GON4L: variants seen among roughly 807,000 people sequenced by gnomAD.
The protein encoded by GON4L is GON-4-like protein.
In GON4L, 87 loss-of-function variants were observed where a neutral mutation model predicts 211.8. That is an observed-to-expected ratio of 0.41 (90% CI 0.35 to 0.49). The LOEUF is 0.49. Ranked by LOEUF, GON4L falls within the 20% of genes least tolerant of loss-of-function variation. The pLI is 0.15. For synonymous variants in GON4L, 875 were observed against 962.6 expected (o/e 0.91, Z 1.68); for missense variants, 2,155 against 2,659.5 (o/e 0.81, Z 4.17).
rs1660977033 is a variant in GON4L, at chr1:155,754,603, C to A, written c.5518-115G>T. 2.0e-5 allele frequency: 13 copies of A among 638,620 alleles called. No homozygotes were observed. The South Asian group carries it at 2.5e-4, about 12-fold the overall frequency. The allele number at this position is 638,620 out of a possible 1,614,324, so 39.6% of individuals were successfully genotyped here. A position where few individuals can be genotyped will look rare whatever the true frequency, so the allele number is the denominator to read the frequency against. The stretch of plus-strand genomic sequence containing the variant: ...GGGTTGCAGTGGCACGATGTCAGCT[C>A]ACCGCAACCTCTGCCTCCCAGGTTC... On this transcript the variant is annotated intron_variant, in intron 27 of 31. Transcript: ENST00000368331.
At position 155,766,094 on chromosome 1, in the gene GON4L, C is replaced by G. The variant is rs199939610; in HGVS notation, c.3379G>C (p.Ala1127Pro). The G allele has an allele frequency of 3.7e-6, 6 of 1,614,138 alleles. No individual in the cohort carries two copies. The highest frequency in any genetic ancestry group is 2.2e-5 in the East Asian group (1 of 44,886). The change falls in exon 21 of 32, where the codon GCC becomes CCC. Residue 1127 changes from alanine (A) to proline (P), a missense_variant. Around this residue, in one of 6 missense-constraint regions of GON4L, gnomAD observed 615 missense variants for 625.7 expected, o/e 0.98. Transcript: ENST00000368331. ...GGGGCAGGTTTCATACAGGGAGAGG[C>G]CTTGACTCCTCTTCTCTTTGAGGGT... ...RRPSKRRGVKASPCMKPAPVI... is the reference protein window; with the variant it reads ...RRPSKRRGVKPSPCMKPAPVI...
chr1:155,804,991 T>C lies in GON4L; in HGVS notation c.1603A>G (p.Met535Val). ...PNTADDEDWK[M>V]WLGGLMNDDV... is the part of the protein sequence containing the mutation. Reference sequence around the variant, plus strand: ...TCATTCATAAGTCCCCCCAGCCACATCTTCCAGTCCTCATCATCTGCCGTA... The same window carrying C: ...TCATTCATAAGTCCCCCCAGCCACACCTTCCAGTCCTCATCATCTGCCGTA... The change falls in exon 11 of 32, where the codon ATG becomes GTG. Residue 535 changes from methionine (M) to valine (V), a missense_variant. Met to Val is a conservative substitution (Grantham distance 21). Around this residue, in one of 6 missense-constraint regions of GON4L, gnomAD observed 551 missense variants for 854.0 expected, o/e 0.65. Coordinates refer to ENST00000368331, the MANE Select transcript of GON4L (RefSeq NM_001282860.2). The C allele has an allele frequency of 6.2e-7, 1 of 1,614,000 alleles. No homozygotes were observed. Among genetic ancestry groups the C allele is most frequent in the Non-Finnish European group, 8.5e-7 (1 of 1,179,918 alleles).
At chr1:155,816,082 T>C (rs779806411) in intron 7 of GON4L, 130 bp downstream of exon 7, 21 of 697,966 alleles carry the variant, frequency 3.0e-5, no homozygotes, top group Middle Eastern at 3.7e-4. Flanking sequence ...CTAAGAGTAA[T>C]AGAATGGAAA....
In GON4L at chr1:155,784,048, G is replaced by A. The variant is rs1327844656; in HGVS notation, c.1830C>T (p.Gly610=). 13 of 1,614,096 alleles carry A rather than the reference G, an allele frequency of 8.1e-6. No homozygotes were observed. Among genetic ancestry groups the A allele is most frequent in the Non-Finnish European group, 1.1e-5 (13 of 1,179,970 alleles). Residue 610 remains glycine (G), a synonymous_variant, in exon 14 of 32, where the codon GGC becomes GGT. Coordinates refer to ENST00000368331, the MANE Select transcript of GON4L (RefSeq NM_001282860.2). The stretch of plus-strand genomic sequence containing the variant: ...CAGCTACACACTCCTCCTCTTCTGG[G>A]CCATCATCTTCCATGTTGGAGAATC... The part of the protein sequence containing the change: ...EMGFSNMEDD[G]PEEEECVAEP...
At chr1:155,764,270 C>T (rs146357383) in intron 21 of GON4L, among the ~76,000 whole-genome samples, 2,200 of 152,066 alleles carry the variant, frequency 0.014, 60 homozygotes, top group African/African-American at 0.051. Flanking sequence ...AGGCATGTGC[C>T]ACTACGCCCA....
intron 2 of GON4L, among the ~76,000 whole-genome samples, chr1:155,830,989 G>A (rs1295505320): frequency 6.6e-6 from 1 of 152,102 alleles, no homozygotes; most frequent in Non-Finnish European, 1.5e-5. Context: ...TAAAAGTTCT[G>A]GTATGCTTGT....
At chr1:155,767,744 T>C (rs900699030) in intron 19 of GON4L, among the ~76,000 whole-genome samples, 3 of 152,126 alleles carry the variant, frequency 2.0e-5, no homozygotes, top group Non-Finnish European at 1.5e-5. Context: ...ATTAAACTAA[T>C]CTCTATTTAA....
rs572482374 is a variant in GON4L, at chr1:155,788,179, G to A, written c.1748-2805C>T. The stretch of plus-strand genomic sequence containing the variant: ...GCTAATTTTTTGTAGTTTTAGTAGC[G>A]ACGGTGTTTCACCATGTTGCCCAGG... On this transcript the variant is annotated intron_variant, in intron 12 of 31. Transcript: ENST00000368331. Among the ~76,000 whole-genome samples, 144 of 152,142 alleles carry A rather than the reference G, an allele frequency of 9.5e-4. No individual in the cohort carries two copies. The Middle Eastern group carries it at 0.017, about 18-fold the overall frequency.
Position 155,820,757 on chromosome 1 carries a change from G to T in GON4L, c.964-101C>A, listed in dbSNP as rs1052952172. On this transcript the variant is annotated intron_variant, in intron 5 of 31. Transcript: ENST00000368331. ...AGCACTTTAGGGGCCAAGGTGGGAG[G>T]ATGGCTTGAGGCAAGGAGTTTGAGA... The T allele has an allele frequency of 1.3e-5, 11 of 844,528 alleles. No individual in the cohort carries two copies. The African/African-American group carries it at 1.7e-4, about 13-fold the overall frequency. The allele number at this position is 844,528 out of a possible 1,614,324, so 52.3% of individuals were successfully genotyped here. A position where few individuals can be genotyped will look rare whatever the true frequency, so the allele number is the denominator to read the frequency against.
chr1:155,777,640 G>A lies in GON4L; in HGVS notation c.2073C>T (p.Leu691=). 1 of 1,613,318 alleles carries A rather than the reference G, an allele frequency of 6.2e-7. No individual in the cohort carries two copies. Among genetic ancestry groups the A allele is most frequent in the Non-Finnish European group, 8.5e-7 (1 of 1,179,310 alleles). The change falls in exon 15 of 32, where the codon CTC becomes CTT. Residue 691 remains leucine (L), a synonymous_variant. Coordinates refer to ENST00000368331, the MANE Select transcript of GON4L (RefSeq NM_001282860.2). ...GTCCTACCTGCTGCATCTGCTGCTG[G>A]AGTCTCTTCCTCTGTGCTGGGTCCA... The part of the protein sequence containing the change: ...LILDPAQRKR[L]QQQMQQHVQL...
chr1:155,766,604 C>G lies in GON4L; in HGVS notation c.2869G>C (p.Glu957Gln), dbSNP rs1174342894. The change falls in exon 21 of 32, where the codon GAA becomes CAA. Residue 957 changes from glutamate (E) to glutamine (Q), a missense_variant. By Grantham distance (29) the Glu-to-Gln change is conservative. This residue lies in a region of GON4L where 615 missense variants were observed against 625.7 expected (regional missense o/e 0.98). Coordinates refer to ENST00000368331, the MANE Select transcript of GON4L (RefSeq NM_001282860.2). ...TTEINSDRSL[E>Q]KDNLELGSES... ...CTCCCCAACTCCAAATTGTCTTTTTCTAGGCTTCGATCTGAGTTGATCTCA... is the reference window on the plus strand; with the variant it reads ...CTCCCCAACTCCAAATTGTCTTTTTGTAGGCTTCGATCTGAGTTGATCTCA... The G allele has an allele frequency of 2.5e-6, 4 of 1,614,084 alleles. No homozygotes were observed. The highest frequency in any genetic ancestry group is 3.4e-6 in the Non-Finnish European group (4 of 1,180,042).
rs529017521 is a variant in GON4L at position 155,751,169 on chromosome 1, T to C, written c.6577-436A>G. On this transcript the variant is annotated intron_variant, in intron 31 of 31. Transcript: ENST00000368331. Reference sequence around the variant, plus strand: ...CAAGGTTGGGAGAGCTATGTCATTATAGATAAGGAAACTCAAGAGGCTAAA... The same window carrying C: ...CAAGGTTGGGAGAGCTATGTCATTACAGATAAGGAAACTCAAGAGGCTAAA... Among the ~76,000 whole-genome samples, 174 of 152,316 alleles carry C rather than the reference T, an allele frequency of 1.1e-3. 1 individual carries two copies. The highest frequency in any genetic ancestry group is 3.2e-4 in the Non-Finnish European group (22 of 68,032).
intron 20 of GON4L, 193 bp downstream of exon 20, chr1:155,767,232 C>T: frequency 1.6e-6 from 2 of 1,281,880 alleles, no homozygotes; most frequent in Non-Finnish European, 2.1e-6. Flanking sequence ...TATTATTTTA[C>T]CTATTATTTT....
At chr1:155,817,499 G>A (rs1318562006) in intron 6 of GON4L, among the ~76,000 whole-genome samples, 1 of 152,076 alleles carries the variant, frequency 6.6e-6, no homozygotes, top group Admixed American at 6.6e-5. Flanking sequence ...GTGCTGTGTA[G>A]GTGGGACCAA....
chr1:155,779,650 T>C (rs867003771), intron 14 of GON4L, among the ~76,000 whole-genome samples: 21 of 152,256 alleles, frequency 1.4e-4, no homozygotes, highest in Middle Eastern at 3.4e-3. Flanking sequence ...TATCAGCACA[T>C]GCTTAATCAC....
chr1:155,845,559 A>G lies in GON4L; in HGVS notation c.505+7717T>C, dbSNP rs1345123618. On this transcript the variant is annotated intron_variant, in intron 2 of 31. Coordinates refer to ENST00000368331, the MANE Select transcript of GON4L (RefSeq NM_001282860.2). ...TTTACAGTCCCTTTTAATGAAGATG[A>G]CAAAGATAATTGTTTTTTAGCCCAC... is the stretch of plus-strand genomic sequence containing the variant. The G allele has an allele frequency of 2.0e-5, 6 of 297,308 alleles. No individual in the cohort carries two copies. In the East Asian group the frequency reaches 5.1e-4, roughly 25 times the overall value. 18.4% of individuals were successfully genotyped at this position (297,308 alleles called of 1,614,324 possible).
chr1:155,766,852 C>G, intron 20 of GON4L, 143 bp from the exon 21 acceptor site: 1 of 1,296,776 alleles, frequency 7.7e-7, no homozygotes, highest in South Asian at 1.2e-5. Flanking sequence ...TCAGGATGAG[C>G]CTGACCAACA....
intron 2 of GON4L, among the ~76,000 whole-genome samples, chr1:155,838,094 A>G (rs1216392413): frequency 9.7e-6 from 1 of 102,680 alleles, no homozygotes; most frequent in Non-Finnish European, 2.6e-5. Context: ...CTCCATCTCT[A>G]AAACAAAACA....
chr1:155,753,319 T>C lies in GON4L; in HGVS notation c.5727A>G (p.Glu1909=), dbSNP rs774953381. The part of the protein sequence containing the change: ...REASPMPGAK[E]AGQGKDMMEE... ...CCATCATATCCTTGCCCTGCCCAGC[T>C]TCCTTAGCACCAGGCATAGGACTAG... The change falls in exon 29 of 32, where the codon GAA becomes GAG. Residue 1909 remains glutamate, a synonymous_variant. Transcript: ENST00000368331. 6.2e-7 allele frequency: 1 copy of C among 1,613,362 alleles called. No individual in the cohort carries two copies. Among genetic ancestry groups the C allele is most frequent in the South Asian group, 1.1e-5 (1 of 91,062 alleles).
Sources: gnomAD v4.1 joint callset for allele counts (sites outside exome capture counted in the v4.1 genomes callset) on GRCh38, gnomAD v4.1.1 for gene constraint, gnomAD v4.1.1 regional missense constraint, MANE v1.5 for transcripts, NCBI Gene and HGNC (gene_info 2026-07-23, HGNC 2026-07-21) for gene names.